MAP3K20: variants seen among roughly 807,000 people sequenced by gnomAD.
The protein encoded by MAP3K20 is HCCS-4.
In MAP3K20, 40 loss-of-function variants were observed where a neutral mutation model predicts 85.7. That is an observed-to-expected ratio of 0.47 (90% CI 0.36 to 0.61). The LOEUF (loss-of-function observed/expected upper bound fraction) is 0.61. MAP3K20 is among the 20% of genes least tolerant of loss of function. The pLI is 0.00. For synonymous variants in MAP3K20, 325 were observed against 327.7 expected (o/e 0.99, Z 0.09); for missense variants, 817 against 961.7 (o/e 0.85, Z 1.99).
intron 11 of MAP3K20, chr2:173,226,120 A>G: frequency 1.0e-6 from 1 of 983,458 alleles, no homozygotes; most frequent in Non-Finnish European, 1.2e-6. Flanking sequence ...ACGTGCAGTG[A>G]ATTTGTTAGA....
At chr2:173,252,544 A>T (rs989282497) in intron 16 of MAP3K20, among the ~76,000 whole-genome samples, 3 of 152,070 alleles carry the variant, frequency 2.0e-5, no homozygotes, top group African/African-American at 7.2e-5. Context: ...GCCCCAACAA[A>T]ATTCCATTTG....
At chr2:173,223,143 G>A in intron 11 of MAP3K20, 1 of 985,392 alleles carries the variant, frequency 1.0e-6, no homozygotes, top group Non-Finnish European at 1.2e-6. Flanking sequence ...TGATCAGTAT[G>A]CTGTGCCAGC....
chr2:173,229,794 A>G (rs1443088451), intron 12 of MAP3K20, 61 bp downstream of exon 12: 10 of 1,584,922 alleles, frequency 6.3e-6, no homozygotes, highest in Non-Finnish European at 8.7e-6. Context: ...ATTTTTCCCT[A>G]AGTTTTTAGG....
chr2:173,135,397 G>A (rs1688771658), intron 2 of MAP3K20, among the ~76,000 whole-genome samples: 2 of 152,172 alleles, frequency 1.3e-5, no homozygotes, highest in Non-Finnish European at 2.9e-5. Flanking sequence ...TTAGAGCAGT[G>A]GGTTAACAGA....
Position 173,203,669 on chromosome 2 carries a change from G to A in MAP3K20, c.670-127G>A, listed in dbSNP as rs1683569278. ...GTCACTTGTCACATATTAATCAATG[G>A]AAGCTTTAAATTTCATGCCTTATGT... is the stretch of plus-strand genomic sequence containing the variant. On this transcript the variant is annotated intron_variant, in intron 8 of 19. Coordinates refer to ENST00000375213, the MANE Select transcript of MAP3K20 (RefSeq NM_016653.3). 56 of 705,272 alleles carry A rather than the reference G, an allele frequency of 7.9e-5. 1 individual carries two copies. The South Asian group carries it at 9.6e-4, about 12-fold the overall frequency. 43.7% of individuals were successfully genotyped at this position (705,272 alleles called of 1,614,324 possible). A position where few individuals can be genotyped will look rare whatever the true frequency, so the allele number is the denominator to read the frequency against.
chr2:173,138,118 C>T (rs1688850436), intron 2 of MAP3K20, among the ~76,000 whole-genome samples: 1 of 151,870 alleles, frequency 6.6e-6, no homozygotes, highest in African/African-American at 2.4e-5. Context: ...CAGGCGCCCG[C>T]CACCCAACCC....
chr2:173,169,918 T>A (rs766449244), intron 3 of MAP3K20, 26 bp downstream of exon 3: 1 of 1,596,318 alleles, frequency 6.3e-7, no homozygotes, highest in Non-Finnish European at 8.6e-7. Context: ...TTGACTTCTT[T>A]CTTTTTCCAA....
chr2:173,256,596 G>A (rs1685168929), intron 16 of MAP3K20, among the ~76,000 whole-genome samples: 1 of 152,028 alleles, frequency 6.6e-6, no homozygotes, highest in Non-Finnish European at 1.5e-5. Context: ...TTGGTACAAA[G>A]ACATGAGTTT....
chr2:173,266,385 A>C lies in MAP3K20; in HGVS notation c.2038A>C (p.Lys680Gln). 6.2e-7 allele frequency: 1 copy of C among 1,614,174 alleles called. No individual in the cohort carries two copies. Residue 680 changes from lysine to glutamine, a missense_variant, in exon 20 of 20, where the codon AAA becomes CAA. Physicochemically the swap from Lys to Gln is moderately conservative, Grantham distance 53 (BLOSUM62 1). This residue lies in a region of MAP3K20 where 454 missense variants were observed against 476.9 expected (regional missense o/e 0.95). Coordinates refer to ENST00000375213, the MANE Select transcript of MAP3K20 (RefSeq NM_016653.3). ...RGRYSDRSRN[K>Q]YGRGSISLNS... is the part of the protein sequence containing the mutation. ...TCGATACTCAGACAGAAGCAGGAACAAATATGGACGTGGTAGTATATCACT... is the reference window on the plus strand; with the variant it reads ...TCGATACTCAGACAGAAGCAGGAACCAATATGGACGTGGTAGTATATCACT...
At chr2:173,075,783 G>A (rs1227902002), upstream of MAP3K20, 1 of 985,378 alleles carries the variant, frequency 1.0e-6, no homozygotes, top group Admixed American at 6.2e-5. Flanking sequence ...GCGCGTGTGA[G>A]GGGAGGGCGG....
chr2:173,176,104 T>G (rs1417285902), intron 3 of MAP3K20, among the ~76,000 whole-genome samples: 1 of 152,162 alleles, frequency 6.6e-6, no homozygotes, highest in Non-Finnish European at 1.5e-5. Flanking sequence ...TCTTTTTATC[T>G]CCTTTAAAGA....
intron 11 of MAP3K20, chr2:173,226,943 T>G (rs1684407165): frequency 5.6e-5 from 55 of 985,144 alleles, no homozygotes; most frequent in Non-Finnish European, 6.5e-5. Flanking sequence ...TTGTATAATG[T>G]TTGTATGGAA....
At position 173,152,840 on chromosome 2, in the gene MAP3K20, T is replaced by TCCCAAG. The variant is rs200432671; in HGVS notation, c.160-16965_160-16964insCCCAAG. Among the ~76,000 whole-genome samples the TCCCAAG allele has an allele frequency of 6.6e-3, 998 of 152,284 alleles. 6 individuals carry two copies. Among genetic ancestry groups the TCCCAAG allele is most frequent in the Non-Finnish European group, 8.2e-3 (555 of 68,026 alleles). On this transcript the variant is annotated intron_variant, in intron 2 of 19. Coordinates refer to ENST00000375213, the MANE Select transcript of MAP3K20 (RefSeq NM_016653.3). ...AAAATAGTTTCCTACTTTAGGAGATTTGAGGCTCCCAAGAATATAGTGAAG... is the reference window on the plus strand; with the variant it reads ...AAAATAGTTTCCTACTTTAGGAGATTCCCAAGTGAGGCTCCCAAGAATATAGTGAAG...
chr2:173,091,928 G>A (rs1003475101), intron 2 of MAP3K20, among the ~76,000 whole-genome samples: 4 of 152,334 alleles, frequency 2.6e-5, no homozygotes, highest in East Asian at 3.9e-4. Flanking sequence ...CAGCAGCATT[G>A]ATAACTTCAG....
chr2:173,142,269 G>A (rs371737617), intron 2 of MAP3K20, among the ~76,000 whole-genome samples: 1 of 151,986 alleles, frequency 6.6e-6, no homozygotes, highest in African/African-American at 2.4e-5. Context: ...TCAGGAGATC[G>A]AGACCATCCT....
At chr2:173,124,949 T>C (rs763194199) in intron 2 of MAP3K20, among the ~76,000 whole-genome samples, 6 of 151,996 alleles carry the variant, frequency 3.9e-5, no homozygotes, top group Non-Finnish European at 8.8e-5. Context: ...GATTGCACCA[T>C]TGCACTCCAG....
chr2:173,087,026 C>G (rs186928496), intron 1 of MAP3K20, among the ~76,000 whole-genome samples: 27 of 152,312 alleles, frequency 1.8e-4, no homozygotes, highest in Non-Finnish European at 3.1e-4. Context: ...TGGTTGAAAC[C>G]TTTCCAGCTA....
Position 173,243,859 on chromosome 2 carries a change from C to A in MAP3K20, c.1359+4363C>A, listed in dbSNP as rs1049416466. Among the ~76,000 whole-genome samples, 4 of 152,170 alleles carry A rather than the reference C, an allele frequency of 2.6e-5. No homozygotes were observed. The East Asian group carries it at 7.7e-4, about 29-fold the overall frequency. On this transcript the variant is annotated intron_variant, in intron 16 of 19. Transcript: ENST00000375213. Reference sequence around the variant, plus strand: ...GCCAGGATGGTCTCGATCTCCTGATCTCGTGATCCGCCCGCCTCGGCCTCC... The same window carrying A: ...GCCAGGATGGTCTCGATCTCCTGATATCGTGATCCGCCCGCCTCGGCCTCC...
At chr2:173,153,426 C>A (rs1032192661) in intron 2 of MAP3K20, among the ~76,000 whole-genome samples, 1 of 152,178 alleles carries the variant, frequency 6.6e-6, no homozygotes, top group Non-Finnish European at 1.5e-5. Context: ...CTGCTGACAC[C>A]CATTTAGTAG....
Sources: allele counts gnomAD v4.1 joint callset (sites outside exome capture counted in the v4.1 genomes callset), GRCh38; gene constraint gnomAD v4.1.1; regional missense constraint gnomAD v4.1.1; transcripts MANE v1.5; gene names NCBI Gene and HGNC (gene_info 2026-07-23, HGNC 2026-07-21).